Variants in GPD2 observed in about 807,000 individuals in gnomAD.
GPD2 encodes the protein glycerol-3-phosphate dehydrogenase 2.
In GPD2, 54 loss-of-function variants were observed where a neutral mutation model predicts 82.4. The observed-to-expected ratio is 0.66, with a 90% CI of 0.53 to 0.82. The LOEUF is 0.82. GPD2 is among the 40% of genes least tolerant of loss of function. The pLI is 0.00. For missense variants in GPD2, 748 were observed against 896.2 expected (o/e 0.83, Z 2.11); for synonymous variants, 288 against 306.1 (o/e 0.94, Z 0.62).
chr2:156,552,770 CAAAG>C lies in GPD2; in HGVS notation c.971+2026_971+2029del, dbSNP rs1686806927. ...ATTCTGCTCCTTCAGAGTTTAGAGA[CAAAG>C]AGATTGTTCGCAGAATTAAAGTGAT... On this transcript the variant is annotated intron_variant, in intron 8 of 16. Coordinates refer to ENST00000438166, the MANE Select transcript of GPD2 (RefSeq NM_000408.5). 1.1e-4 allele frequency among the ~76,000 whole-genome samples: 16 copies of C among 152,020 alleles called. No individual in the cohort carries two copies. The South Asian group carries it at 3.3e-3, about 32-fold the overall frequency.
chr2:156,506,313 A>G (rs1402568814), intron 3 of GPD2, among the ~76,000 whole-genome samples: 1 of 152,196 alleles, frequency 6.6e-6, no homozygotes, highest in Admixed American at 6.5e-5. Flanking sequence ...CTTTCCAGAA[A>G]TTCTGGTGGG....
chr2:156,433,449 G>A (rs539872551), upstream of GPD2, among the ~76,000 whole-genome samples: 7 of 152,190 alleles, frequency 4.6e-5, no homozygotes, highest in South Asian at 1.5e-3. Flanking sequence ...CTGACTTAGT[G>A]CAAGAAGACA....
intron 9 of GPD2, 24 bp downstream of exon 9, chr2:156,557,606 T>C (rs200204244): frequency 1.6e-6 from 2 of 1,271,684 alleles, no homozygotes; most frequent in East Asian, 2.3e-5. Flanking sequence ...CCTTTAAGTT[T>C]GTCTCTCTGT....
In GPD2 at chr2:156,584,497, TCACTCACCTACG is replaced by T. The variant is rs751594578; in HGVS notation, c.*1588_*1599del. The T allele has an allele frequency of 3.3e-5, 5 of 152,438 alleles. No homozygotes were observed. The highest frequency in any genetic ancestry group is 4.8e-5 in the African/African-American group (2 of 41,432). 9.4% of individuals were successfully genotyped at this position (152,438 alleles called of 1,614,324 possible). A position where few individuals can be genotyped will look rare whatever the true frequency, so the allele number is the denominator to read the frequency against. ...ATGTCACAATGTAAACACTGGAGGT[TCACTCACCTACG>T]CACTCACCCACCACCTCTGAAAGAA... On this transcript the variant is annotated 3_prime_UTR_variant, in exon 17 of 17. Coordinates refer to ENST00000438166, the MANE Select transcript of GPD2 (RefSeq NM_000408.5).
chr2:156,470,344 C>T (rs757447980), intron 1 of GPD2, among the ~76,000 whole-genome samples: 30 of 151,942 alleles, frequency 2.0e-4, no homozygotes, highest in Admixed American at 1.8e-3. Flanking sequence ...TAGAGGTGTG[C>T]GCCACCATGC....
chr2:156,517,623 A>G (rs1032039832), intron 6 of GPD2, among the ~76,000 whole-genome samples: 2 of 152,218 alleles, frequency 1.3e-5, no homozygotes, highest in African/African-American at 4.8e-5. Context: ...TATCAAGTAG[A>G]GAGTATGGTG....
At chr2:156,547,333 G>T (rs1442856507) in intron 6 of GPD2, among the ~76,000 whole-genome samples, 1 of 152,194 alleles carries the variant, frequency 6.6e-6, no homozygotes, top group Admixed American at 6.5e-5. Context: ...TGCAGAACTA[G>T]ACATTTGAAC....
At chr2:156,571,029 A>C in intron 12 of GPD2, 105 bp from the exon 13 acceptor site, 1 of 844,854 alleles carries the variant, frequency 1.2e-6, no homozygotes, top group Admixed American at 1.7e-5. Flanking sequence ...ATAAAGAAAA[A>C]TATTACCTTT....
chr2:156,437,418 C>A (rs1681979885), intron 1 of GPD2, among the ~76,000 whole-genome samples: 1 of 152,224 alleles, frequency 6.6e-6, no homozygotes. Context: ...CTACTGACCA[C>A]TCTAGTCCCA....
intron 2 of GPD2, among the ~76,000 whole-genome samples, chr2:156,487,182 G>A (rs937079399): frequency 5.3e-5 from 8 of 152,058 alleles, no homozygotes; most frequent in Admixed American, 2.6e-4. Context: ...GGCGGGGGGC[G>A]CCTGTAATCC....
chr2:156,451,357 G>C (rs1475684461), intron 1 of GPD2, among the ~76,000 whole-genome samples: 1 of 148,508 alleles, frequency 6.7e-6, no homozygotes, highest in Non-Finnish European at 1.5e-5. Flanking sequence ...TCACTTCCCA[G>C]TAGGGGCGGC....
At chr2:156,447,209 GCT>G (rs1682397699) in intron 1 of GPD2, among the ~76,000 whole-genome samples, 1 of 152,086 alleles carries the variant, frequency 6.6e-6, no homozygotes, top group Non-Finnish European at 1.5e-5. Context: ...CTTGCTACAT[GCT>G]CTCTTTCTCC....
At chr2:156,547,421 G>T (rs1686586779) in intron 6 of GPD2, among the ~76,000 whole-genome samples, 1 of 152,144 alleles carries the variant, frequency 6.6e-6, no homozygotes, top group Admixed American at 6.6e-5. Context: ...GTGTGTAAAG[G>T]CAAGGTGGGA....
intron 1 of GPD2, among the ~76,000 whole-genome samples, chr2:156,467,825 G>A (rs1683199891): frequency 6.6e-6 from 1 of 151,996 alleles, no homozygotes; most frequent in South Asian, 2.1e-4. Flanking sequence ...TGACTGTTTT[G>A]TTCATTTAGG....
chr2:156,405,640 A>G, the GPD2 span, among the ~76,000 whole-genome samples: 1 of 152,204 alleles, frequency 6.6e-6, no homozygotes, highest in East Asian at 1.9e-4. Flanking sequence ...GGAATGCTGT[A>G]GTAGGCAGTG....
Position 156,585,205 on chromosome 2 carries a change from C to A in GPD2, c.*2287C>A, listed in dbSNP as rs1688171403. The A allele has an allele frequency of 6.6e-6, 1 of 152,328 alleles. No individual in the cohort carries two copies. Among genetic ancestry groups the A allele is most frequent in the Non-Finnish European group, 1.5e-5 (1 of 67,926 alleles). 9.4% of individuals were successfully genotyped at this position (152,328 alleles called of 1,614,324 possible). On this transcript the variant is annotated 3_prime_UTR_variant, in exon 17 of 17. Transcript: ENST00000438166. Reference sequence around the variant, plus strand: ...GCTCTTAATTAAACCTGTACAGCTTCTTTACCTGATTTAAGAAAGGGAGAC... The same window carrying A: ...GCTCTTAATTAAACCTGTACAGCTTATTTACCTGATTTAAGAAAGGGAGAC...
intron 2 of GPD2, among the ~76,000 whole-genome samples, chr2:156,483,209 C>T (rs1467483795): frequency 6.6e-6 from 1 of 151,904 alleles, no homozygotes; most frequent in Non-Finnish European, 1.5e-5. Context: ...TTGAATAGAC[C>T]CCAAATAAAG....
chr2:156,457,952 A>G (rs917419478), intron 1 of GPD2, among the ~76,000 whole-genome samples: 1 of 152,262 alleles, frequency 6.6e-6, no homozygotes, highest in Non-Finnish European at 1.5e-5. Flanking sequence ...ACTAAAGCTC[A>G]TAGTCACACA....
chr2:156,529,810 G>C (rs541108383), intron 6 of GPD2, among the ~76,000 whole-genome samples: 1 of 151,790 alleles, frequency 6.6e-6, no homozygotes, highest in East Asian at 1.9e-4. Context: ...CTCTGTTTTC[G>C]TACCAGTACC....
Sources: allele counts gnomAD v4.1 joint callset (sites outside exome capture counted in the v4.1 genomes callset), GRCh38; gene constraint gnomAD v4.1.1; transcripts MANE v1.5; gene names NCBI Gene and HGNC (gene_info 2026-07-23, HGNC 2026-07-21).